The following MYRF variants were observed in gnomAD, a reference collection of about 807,000 sequenced individuals.
MYRF encodes myelin regulatory factor.
MYRF carries 16 observed loss-of-function variants against 126.3 expected under a neutral mutation model. The ratio of observed to expected loss-of-function variants is 0.13; its 90% CI spans 0.09 to 0.19. The LOEUF (loss-of-function observed/expected upper bound fraction) is 0.19. Among genes scored for constraint, MYRF ranks in the 10% least tolerant of loss-of-function variants. The pLI is 1.00. For synonymous variants in MYRF, 608 were observed against 635.3 expected (o/e 0.96, Z 0.65); for missense variants, 1,104 against 1,547.0 (o/e 0.71, Z 4.80).
chr11:61,785,635 C>T, intron 25 of MYRF, 165 bp from the exon 26 acceptor site: 1 of 638,282 alleles, frequency 1.6e-6, no homozygotes, highest in East Asian at 2.8e-5. Flanking sequence ...TGCCATTGCT[C>T]CTTCTGCCAA....
At chr11:61,755,794 C>T in intron 1 of MYRF, 1 of 523,128 alleles carries the variant, frequency 1.9e-6, no homozygotes, top group Non-Finnish European at 3.7e-6. Context: ...GAGTGAGCAA[C>T]CAGTGTCCCC....
At chr11:61,753,564 C>T (rs905417488) in intron 1 of MYRF, among the ~76,000 whole-genome samples, 1 of 152,116 alleles carries the variant, frequency 6.6e-6, no homozygotes, top group Non-Finnish European at 1.5e-5. Context: ...TGCATCCCAC[C>T]AGCCCTCTGA....
intron 8 of MYRF, among the ~76,000 whole-genome samples, chr11:61,774,697 A>G (rs1226321474): frequency 6.8e-6 from 1 of 146,184 alleles, no homozygotes; most frequent in Non-Finnish European, 1.5e-5. Context: ...GGGCTCATCA[A>G]CCTGCCTCCC....
rs997055400 is a variant in MYRF, at chr11:61,770,348, C to A, written c.563C>A (p.Pro188His). The A allele has an allele frequency of 1.4e-6, 2 of 1,424,140 alleles. No homozygotes were observed. Among genetic ancestry groups the A allele is most frequent in the Non-Finnish European group, 1.9e-6 (2 of 1,035,878 alleles). The allele number at this position is 1,424,140 out of a possible 1,614,324, so 88.2% of individuals were successfully genotyped here. A position where few individuals can be genotyped will look rare whatever the true frequency, so the allele number is the denominator to read the frequency against. Reference protein sequence around the residue: ...PPPPPAHLPGPPPPPPPPPHY... With the variant: ...PPPPPAHLPGHPPPPPPPPHY... ...CCACCTCCAGCCCACTTGCCAGGCC[C>A]CCCGCCACCCCCACCACCCCCACCT... The change falls in exon 5 of 27, where the codon CCC becomes CAC. Residue 188 changes from proline (P) to histidine (H), a missense_variant. Pro to His is a moderately conservative substitution (Grantham distance 77). Around this residue, in one of 10 missense-constraint regions of MYRF, gnomAD observed 368 missense variants for 403.9 expected, o/e 0.91. Coordinates refer to ENST00000278836, the MANE Select transcript of MYRF (RefSeq NM_001127392.3).
chr11:61,766,429 A>G (rs2066063413), intron 3 of MYRF: 1 of 534,082 alleles, frequency 1.9e-6, no homozygotes. Context: ...GGCAGCCACA[A>G]AGCTTCTAAG....
At position 61,752,762 on chromosome 11, in the gene MYRF, G is replaced by A; in HGVS notation, c.18G>A (p.Glu6=). The part of the protein sequence containing the change: MEVVD[E]TEALQRFFEG... ...GGCGGGACATGGAGGTGGTGGACGAGACGGAGGCGCTGCAGCGCTTCTTCG... is the reference window on the plus strand; with the variant it reads ...GGCGGGACATGGAGGTGGTGGACGAAACGGAGGCGCTGCAGCGCTTCTTCG... Residue 6 remains glutamate (E), a synonymous_variant, in exon 1 of 27, where the codon GAG becomes GAA. Transcript: ENST00000278836. 6.7e-7 allele frequency: 1 copy of A among 1,485,720 alleles called. No individual in the cohort carries two copies. Among genetic ancestry groups the A allele is most frequent in the Non-Finnish European group, 8.9e-7 (1 of 1,123,132 alleles). The allele number at this position is 1,485,720 out of a possible 1,614,324, so 92.0% of individuals were successfully genotyped here.
chr11:61,761,731 G>GC (rs2065906230), intron 1 of MYRF, among the ~76,000 whole-genome samples: 1 of 152,252 alleles, frequency 6.6e-6, no homozygotes, highest in Non-Finnish European at 1.5e-5. Context: ...AGCGCTCATA[G>GC]CCCAGTGCCT....
chr11:61,770,438 C>T lies in MYRF; in HGVS notation c.653C>T (p.Ala218Val), dbSNP rs1391241657. Residue 218 changes from alanine to valine, a missense_variant, in exon 5 of 27, where the codon GCC becomes GTC. By Grantham distance (64) the Ala-to-Val change is moderately conservative. Transcript: ENST00000278836. Reference sequence around the variant, plus strand: ...GAGCCCCCGATCCCCCACTACGCTGCCATGGGGCAGGGGCTGGTGCCCACT... The same window carrying T: ...GAGCCCCCGATCCCCCACTACGCTGTCATGGGGCAGGGGCTGGTGCCCACT... ...KAEPPIPHYAAMGQGLVPTDL... is the reference protein window; with the variant it reads ...KAEPPIPHYAVMGQGLVPTDL... 1 of 1,559,232 alleles carries T rather than the reference C, an allele frequency of 6.4e-7. No homozygotes were observed. Among genetic ancestry groups the T allele is most frequent in the Admixed American group, 1.9e-5 (1 of 52,338 alleles).
chr11:61,767,872 C>G (rs1251661005), intron 3 of MYRF, among the ~76,000 whole-genome samples: 2 of 148,022 alleles, frequency 1.4e-5, no homozygotes, highest in South Asian at 4.2e-4. Context: ...AATCCCAGCA[C>G]TTTGGCAGGC....
At position 61,783,991 on chromosome 11, in the gene MYRF, A is replaced by G; in HGVS notation, c.3194+66A>G. 1 of 1,516,674 alleles carries G rather than the reference A, an allele frequency of 6.6e-7. No individual in the cohort carries two copies. The highest frequency in any genetic ancestry group is 9.0e-7 in the Non-Finnish European group (1 of 1,112,674). The allele number at this position is 1,516,674 out of a possible 1,614,324, so 94.0% of individuals were successfully genotyped here. On this transcript the variant is annotated intron_variant, in intron 24 of 26. Coordinates refer to ENST00000278836, the MANE Select transcript of MYRF (RefSeq NM_001127392.3). The surrounding 1 kb of genome is among the most constrained non-coding windows in gnomAD (Gnocchi z 4.6). ...CAGGGAGAATCTCCCGCAGAGCCTC[A>G]GAACAGCCGAGTCTGAGGACAGCCG...
At chr11:61,770,013 A>G (rs776313484) in intron 4 of MYRF, among the ~76,000 whole-genome samples, 19 of 151,934 alleles carry the variant, frequency 1.3e-4, no homozygotes, top group Non-Finnish European at 2.5e-4. Flanking sequence ...TGGGGGCAGG[A>G]GGTGGCTAGG....
rs1210349226 is a variant in MYRF at position 61,784,332 on chromosome 11, C to A, written c.3247C>A (p.Pro1083Thr). ...VLCSLRSKEEPCEEGSLPQSL... is the reference protein window; with the variant it reads ...VLCSLRSKEETCEEGSLPQSL... ...GTGCAGCCTGAGGTCAAAGGAGGAA[C>A]CATGTGAGGAGGGGAGCCTTCCACA... The change falls in exon 25 of 27, where the codon CCA (proline) becomes ACA (threonine). Residue 1083 changes from proline to threonine, a missense_variant. Physicochemically the swap from Pro to Thr is conservative, Grantham distance 38. Around this residue, in one of 10 missense-constraint regions of MYRF, gnomAD observed 94 missense variants for 164.6 expected, o/e 0.57. Coordinates refer to ENST00000278836, the MANE Select transcript of MYRF (RefSeq NM_001127392.3). 1.2e-6 allele frequency: 2 copies of A among 1,613,878 alleles called. No individual in the cohort carries two copies. Among genetic ancestry groups the A allele is most frequent in the Admixed American group, 1.7e-5 (1 of 60,004 alleles).
intron 1 of MYRF, among the ~76,000 whole-genome samples, chr11:61,759,929 C>G (rs2065859382): frequency 6.6e-6 from 1 of 152,090 alleles, no homozygotes. Context: ...TAAGACGGCT[C>G]TGGTCACAAG....
chr11:61,761,835 T>C (rs2065909754), intron 1 of MYRF, among the ~76,000 whole-genome samples: 1 of 152,068 alleles, frequency 6.6e-6, no homozygotes, highest in African/African-American at 2.4e-5. Context: ...ACCTTGTAGG[T>C]TGGGATGAGA....
At chr11:61,761,260 G>C (rs570226946) in intron 1 of MYRF, among the ~76,000 whole-genome samples, 2 of 69,456 alleles carry the variant, frequency 2.9e-5, no homozygotes, top group African/African-American at 5.8e-5. Context: ...CACAGCTGGT[G>C]GGGGGGGGGG....
At chr11:61,784,591 C>T (rs1161104231) in intron 25 of MYRF, 1 of 567,450 alleles carries the variant, frequency 1.8e-6, no homozygotes, top group East Asian at 2.9e-5. Flanking sequence ...CTGAGCATCT[C>T]CCAGCCCTGC....
rs751740303 is a variant in MYRF at position 61,777,443 on chromosome 11, C to A, written c.1770C>A (p.Arg590=). 18 of 1,612,214 alleles carry A rather than the reference C, an allele frequency of 1.1e-5. No homozygotes were observed. Among genetic ancestry groups the A allele is most frequent in the Non-Finnish European group, 1.4e-5 (17 of 1,179,410 alleles). The change falls in exon 12 of 27, where the codon CGC becomes CGA. Residue 590 remains arginine, a synonymous_variant. Transcript: ENST00000278836. The surrounding 1 kb of genome is among the most constrained non-coding windows in gnomAD (Gnocchi z 8.8). ...CGCTTATGCACCCCTCCGACCTGCGCGCCAAGGAACACGTGCAGGAGGTGG... is the reference window on the plus strand; with the variant it reads ...CGCTTATGCACCCCTCCGACCTGCGAGCCAAGGAACACGTGCAGGAGGTGG... ...MGSLMHPSDL[R]AKEHVQEVDT...
chr11:61,775,169 A>G (rs771206767), intron 8 of MYRF, among the ~76,000 whole-genome samples: 1 of 151,208 alleles, frequency 6.6e-6, no homozygotes, highest in African/African-American at 2.4e-5. Flanking sequence ...GGGACCCCCA[A>G]CTCCTGCCCC....
At chr11:61,774,589 T>C (rs1345487642) in intron 8 of MYRF, among the ~76,000 whole-genome samples, 3 of 145,554 alleles carry the variant, frequency 2.1e-5, no homozygotes, top group Admixed American at 1.4e-4. Context: ...GTGTGTAAAC[T>C]CCCCCACTGC....
Sources: allele counts gnomAD v4.1 joint callset (sites outside exome capture counted in the v4.1 genomes callset), GRCh38; gene constraint gnomAD v4.1.1; regional missense constraint gnomAD v4.1.1; non-coding constraint Gnocchi (gnomAD v3.1); transcripts MANE v1.5; gene names NCBI Gene and HGNC (gene_info 2026-07-23, HGNC 2026-07-21).